C4orf51: variants seen among roughly 807,000 people sequenced by gnomAD.
C4orf51 encodes chromosome 4 open reading frame 51, also known as uncharacterized protein C4orf51.
Under a neutral mutation model 25.2 loss-of-function variants are expected in C4orf51, and 25 were observed. The ratio of observed to expected loss-of-function variants is 0.99; its 90% CI spans 0.72 to 1.39. The LOEUF (loss-of-function observed/expected upper bound fraction) is 1.39, where lower values mean the gene tolerates loss of function less well. C4orf51 is among the 40% of genes most tolerant of loss of function. C4orf51 has a pLI of 0.00. For synonymous variants in C4orf51, 100 were observed against 84.5 expected (o/e 1.18, Z -1.01); for missense variants, 252 against 239.6 (o/e 1.05, Z -0.34).
chr4:145,760,628 C>G (rs1194854458), intron 1 of C4orf51: 1 of 350,846 alleles, frequency 2.9e-6, no homozygotes, highest in East Asian at 1.3e-4. Flanking sequence ...CTATTCCTTA[C>G]TAAAGATATA....
intron 2 of C4orf51, among the ~76,000 whole-genome samples, chr4:145,726,378 A>G (rs1289906374): frequency 6.6e-6 from 1 of 152,210 alleles, no homozygotes; most frequent in Admixed American, 6.5e-5. Context: ...AGATATTTCA[A>G]ATAAAAAAAG....
Position 145,765,310 on chromosome 4 carries a change from G to T in C4orf51, n.167-5678G>T. The T allele has an allele frequency of 9.8e-7, 1 of 1,019,382 alleles. No individual in the cohort carries two copies. The highest frequency in any genetic ancestry group is 1.4e-6 in the Non-Finnish European group (1 of 717,934). The allele number at this position is 1,019,382 out of a possible 1,614,324, so 63.1% of individuals were successfully genotyped here. ...TCCAGGCACTGTTCCCCATATCTCT[G>T]TGCTAAAAGGAGTTAAATGTACAAA... On this transcript the variant is annotated intron_variant and non_coding_transcript_variant, in intron 1 of 1. Transcript: ENST00000510096. The surrounding 1 kb of genome is among the most constrained non-coding windows in gnomAD (Gnocchi z 4.7).
intron 2 of C4orf51, among the ~76,000 whole-genome samples, chr4:145,720,389 T>C (rs1056610796): frequency 1.3e-5 from 2 of 152,090 alleles, no homozygotes; most frequent in Non-Finnish European, 2.9e-5. Context: ...TCTCCTCAGC[T>C]ATACGGGGAG....
intron 2 of C4orf51, among the ~76,000 whole-genome samples, chr4:145,716,171 A>G (rs1327557249): frequency 9.9e-5 from 15 of 152,156 alleles, no homozygotes; most frequent in Non-Finnish European, 1.0e-4. Flanking sequence ...GCTTAACTCA[A>G]TAAAATTTTT....
At chr4:145,711,160 AG>A (rs1349158719) in intron 2 of C4orf51, among the ~76,000 whole-genome samples, 1 of 152,108 alleles carries the variant, frequency 6.6e-6, no homozygotes. Context: ...TTGCCCTTAA[AG>A]CTTCTGCTTT....
intron 1 of C4orf51, among the ~76,000 whole-genome samples, chr4:145,768,858 CAAA>C (rs1174930111): frequency 7.6e-3 from 34 of 4,484 alleles, no homozygotes; most frequent in East Asian, 0.024. Flanking sequence ...GACTCCGTCT[CAAA>C]AAAAAAAAAA....
the C4orf51 span, among the ~76,000 whole-genome samples, chr4:145,790,930 G>A: frequency 6.6e-6 from 1 of 152,194 alleles, no homozygotes; most frequent in African/African-American, 2.4e-5. Context: ...TAAGGCAACA[G>A]TGGTCACAAA....
At chr4:145,760,983 G>A in intron 1 of C4orf51, 1 of 1,251,732 alleles carries the variant, frequency 8.0e-7, no homozygotes, top group Middle Eastern at 2.2e-4. Context: ...AGCCGTTGAA[G>A]GCCAAAGCCT....
the C4orf51 span, among the ~76,000 whole-genome samples, chr4:145,787,352 A>G: frequency 6.6e-6 from 1 of 151,472 alleles, no homozygotes; most frequent in Non-Finnish European, 1.5e-5. Context: ...AGTCCCAGCT[A>G]CTCAGGAGGC....
intron 1 of C4orf51, chr4:145,760,102 C>G (rs1204558729): frequency 1.3e-5 from 2 of 152,232 alleles, no homozygotes; most frequent in Non-Finnish European, 2.9e-5. Context: ...CTCCAGCGCT[C>G]TGGCGGAAAT....
At chr4:145,740,239 GCAAAAAAAAAAAAAA>G (rs1733022400) in intron 1 of C4orf51, among the ~76,000 whole-genome samples, 1 of 58,150 alleles carries the variant, frequency 1.7e-5, no homozygotes, top group Non-Finnish European at 2.8e-5. Flanking sequence ...CTCCCTTTCT[GCAAAAAAAAAAAAAA>G]AAAAAAAAAA....
chr4:145,788,416 G>A, the C4orf51 span, among the ~76,000 whole-genome samples: 1 of 152,186 alleles, frequency 6.6e-6, no homozygotes, highest in South Asian at 2.1e-4. Context: ...GTCACTGCCA[G>A]AATCCAGGCC....
chr4:145,714,359 G>A (rs747793348), intron 2 of C4orf51, among the ~76,000 whole-genome samples: 1 of 152,166 alleles, frequency 6.6e-6, no homozygotes, highest in African/African-American at 2.4e-5. Context: ...TATGGCAAGA[G>A]CAGCTAAAAT....
chr4:145,701,362 G>A (rs1014969623), intron 2 of C4orf51, among the ~76,000 whole-genome samples: 1 of 152,034 alleles, frequency 6.6e-6, no homozygotes, highest in African/African-American at 2.4e-5. Flanking sequence ...CCTCCCCCAG[G>A]AGCTTGCTAC....
At chr4:145,683,395 C>T (rs1728951125) in intron 1 of C4orf51, among the ~76,000 whole-genome samples, 1 of 152,136 alleles carries the variant, frequency 6.6e-6, no homozygotes, top group South Asian at 2.1e-4. Flanking sequence ...TGAATATCAA[C>T]AAACTAATTC....
intron 1 of C4orf51, among the ~76,000 whole-genome samples, chr4:145,688,596 C>T (rs536423081): frequency 2.0e-5 from 3 of 151,822 alleles, no homozygotes; most frequent in African/African-American, 7.2e-5. Context: ...CCTTGCTTCC[C>T]CTTTGTCTTC....
downstream of C4orf51, among the ~76,000 whole-genome samples, chr4:145,771,579 G>A (rs1736290728): frequency 1.3e-5 from 2 of 152,300 alleles, no homozygotes; most frequent in East Asian, 1.9e-4. Context: ...GATATTCTCT[G>A]CAGGGACAAG....
chr4:145,748,390 T>G (rs1189377166), intron 1 of C4orf51, among the ~76,000 whole-genome samples: 3 of 152,144 alleles, frequency 2.0e-5, no homozygotes, highest in Non-Finnish European at 4.4e-5. Flanking sequence ...CAATTTCATG[T>G]ATTTCTGCTC....
chr4:145,684,288 C>A (rs556000257), intron 1 of C4orf51, among the ~76,000 whole-genome samples: 5 of 152,230 alleles, frequency 3.3e-5, no homozygotes, highest in African/African-American at 1.2e-4. Flanking sequence ...CGAGACCAAC[C>A]TGGCTAACAT....
Sources: gnomAD v4.1 joint callset for allele counts (sites outside exome capture counted in the v4.1 genomes callset) on GRCh38, gnomAD v4.1.1 for gene constraint, Gnocchi (gnomAD v3.1) non-coding constraint, MANE v1.5 for transcripts, NCBI Gene and HGNC (gene_info 2026-07-23, HGNC 2026-07-21) for gene names.